MARVELD3: variants seen among roughly 807,000 people sequenced by gnomAD.
MARVELD3 encodes MARVEL domain containing 3, also known as MARVEL domain-containing protein 3.
A neutral mutation model predicts 33.5 loss-of-function variants in MARVELD3; 28 were observed. The ratio of observed to expected loss-of-function variants is 0.84; its 90% CI spans 0.62 to 1.15. MARVELD3 has a LOEUF of 1.15. MARVELD3 is among the 50% of genes most tolerant of loss of function. The probability of loss-of-function intolerance (pLI) is 0.00; values close to 1 mark genes in which losing one functional copy is unlikely to be tolerated. For missense variants in MARVELD3, 582 were observed against 547.6 expected (o/e 1.06, Z -0.63); for synonymous variants, 241 against 230.4 (o/e 1.05, Z -0.42).
chr16:71,635,286 G>A lies in MARVELD3; in HGVS notation c.*483G>A, dbSNP rs1015693687. On this transcript the variant is annotated 3_prime_UTR_variant, in exon 3 of 3. Transcript: ENST00000268485. ...GGAGATTGCAGTGAGCCGAGATCCC[G>A]CCACTGCACTCCAGCCCAGGTGACA... 6.8e-5 allele frequency: 65 copies of A among 955,376 alleles called. No individual in the cohort carries two copies. The highest frequency in any genetic ancestry group is 5.4e-4 in the Middle Eastern group (1 of 1,856). The allele number at this position is 955,376 out of a possible 1,614,324, so 59.2% of individuals were successfully genotyped here.
intron 2 of MARVELD3, among the ~76,000 whole-genome samples, chr16:71,632,597 T>A (rs913734983): frequency 2.0e-5 from 3 of 151,700 alleles, no homozygotes; most frequent in South Asian, 2.1e-4. Flanking sequence ...TCTTTTTTTT[T>A]TTATTTTTTA....
rs941257349 is a variant in MARVELD3, at chr16:71,634,574, A to G, written c.977A>G (p.His326Arg). 27 of 1,613,936 alleles carry G rather than the reference A, an allele frequency of 1.7e-5. No individual in the cohort carries two copies. The highest frequency in any genetic ancestry group is 2.7e-5 in the African/African-American group (2 of 74,874). The change falls in exon 3 of 3, where the codon CAC becomes CGC. Residue 326 changes from histidine (H) to arginine (R), a missense_variant. Transcript: ENST00000268485. ...GYIPALYFYF[H>R]YLSAAYGSPV... ...ATCCCGGCCTTGTACTTCTACTTCC[A>G]CTACCTCTCTGCTGCCTATGGCTCT...
chr16:71,640,703 G>A (rs2044611806), downstream of MARVELD3: 2 of 1,614,124 alleles, frequency 1.2e-6, no homozygotes, highest in Admixed American at 1.7e-5. Context: ...TCCTCACGGA[G>A]GCCGCCTTCA....
downstream of MARVELD3, chr16:71,640,409 G>A (rs375705658): frequency 1.1e-5 from 17 of 1,614,164 alleles, no homozygotes; most frequent in East Asian, 1.6e-4. Context: ...AGATAGTGGA[G>A]GTGGTCTTGA....
chr16:71,634,608 TAA>T lies in MARVELD3; in HGVS notation c.1013_1014del (p.Lys338ArgfsTer51), dbSNP rs1427307697. On this transcript the variant is annotated frameshift_variant, in exon 3 of 3. Coordinates refer to ENST00000268485, the MANE Select transcript of MARVELD3 (RefSeq NM_052858.6). LOFTEE classifies it high-confidence loss of function. ...CTGCTGCCTATGGCTCTCCTGTGTG[TAA>T]AGAGAGGCAGGCGCTGTACCAAAGC... Reference protein sequence around the residue: ...LSAAYGSPVCKERQALYQSKG... With the variant: ...LSAAYGSPVCXERQALYQSKG... 3.1e-6 allele frequency: 5 copies of T among 1,614,042 alleles called. No homozygotes were observed. Among genetic ancestry groups the T allele is most frequent in the African/African-American group, 1.3e-5 (1 of 74,910 alleles).
intron 1 of MARVELD3, 194 bp from the exon 2 acceptor site, chr16:71,629,173 G>A: frequency 1.8e-6 from 1 of 555,804 alleles, no homozygotes; most frequent in Non-Finnish European, 2.9e-6. Flanking sequence ...CACGTGGTTA[G>A]TGGAGCTGGG....
At position 71,634,893 on chromosome 16, in the gene MARVELD3, T is replaced by G. The variant is rs1267249484; in HGVS notation, c.*90T>G. ...CCAAGAATCCCTTGTTGTGGAAGTT[T>G]CCAGTGCTGGAAAAGCAGCGAGCCA... On this transcript the variant is annotated 3_prime_UTR_variant, in exon 3 of 3. Coordinates refer to ENST00000268485, the MANE Select transcript of MARVELD3 (RefSeq NM_052858.6). The G allele has an allele frequency of 9.9e-6, 15 of 1,511,802 alleles. No individual in the cohort carries two copies. Among genetic ancestry groups the G allele is most frequent in the African/African-American group, 1.4e-5 (1 of 71,516 alleles). The allele number at this position is 1,511,802 out of a possible 1,614,324, so 93.6% of individuals were successfully genotyped here. A position where few individuals can be genotyped will look rare whatever the true frequency, so the allele number is the denominator to read the frequency against.
chr16:71,640,802 AAGAG>A, downstream of MARVELD3: 1 of 1,614,196 alleles, frequency 6.2e-7, no homozygotes, highest in East Asian at 2.2e-5. Context: ...CTTGCAAAAC[AAGAG>A]AGAGGCTCTA....
At position 71,635,388 on chromosome 16, in the gene MARVELD3, A is replaced by G; in HGVS notation, c.*585A>G. 1.0e-5 allele frequency: 10 copies of G among 985,348 alleles called. No homozygotes were observed. Among genetic ancestry groups the G allele is most frequent in the Non-Finnish European group, 1.2e-5 (10 of 830,134 alleles). 61.0% of individuals were successfully genotyped at this position (985,348 alleles called of 1,614,324 possible). A position where few individuals can be genotyped will look rare whatever the true frequency, so the allele number is the denominator to read the frequency against. On this transcript the variant is annotated 3_prime_UTR_variant, in exon 3 of 3. Transcript: ENST00000268485. ...GAGCCACAAGGAAAAAGCATGTACTACAACAGAGTGCACCTCTTCATTCAG... is the reference window on the plus strand; with the variant it reads ...GAGCCACAAGGAAAAAGCATGTACTGCAACAGAGTGCACCTCTTCATTCAG...
rs777892291 is a variant in MARVELD3, at chr16:71,634,647, C to T, written c.1050C>T (p.Ser350=). The part of the protein sequence containing the change: ...RQALYQSKGY[S]GFGCSFHGAD... The stretch of plus-strand genomic sequence containing the variant: ...CGCTGTACCAAAGCAAAGGCTACAG[C>T]GGTTTCGGCTGCAGTTTCCACGGAG... The change falls in exon 3 of 3, where the codon AGC becomes AGT. Residue 350 remains serine, a synonymous_variant. Coordinates refer to ENST00000268485, the MANE Select transcript of MARVELD3 (RefSeq NM_052858.6). The T allele has an allele frequency of 5.0e-6, 8 of 1,614,068 alleles. No individual in the cohort carries two copies. Among genetic ancestry groups the T allele is most frequent in the East Asian group, 2.2e-5 (1 of 44,894 alleles).
In MARVELD3 at chr16:71,626,294, G is replaced by A. The variant is rs553406133; in HGVS notation, c.65G>A (p.Arg22His). Residue 22 changes from arginine to histidine, a missense_variant, in exon 1 of 3, where the codon CGC (arginine) becomes CAC (histidine). Transcript: ENST00000268485. The surrounding 1 kb of genome is among the most constrained non-coding windows in gnomAD (Gnocchi z 5.3). ...CCGAGAGAGCGGGACCCGGGACGGC[G>A]CCCCCACCCAGACCAAGGCCGCACC... The part of the protein sequence containing the change: ...ARPRERDPGR[R>H]PHPDQGRTHD... The A allele has an allele frequency of 2.8e-5, 43 of 1,543,248 alleles. No homozygotes were observed. The highest frequency in any genetic ancestry group is 1.2e-4 in the African/African-American group (9 of 72,744).
Position 71,634,769 on chromosome 16 carries a change from TA to T in MARVELD3, c.1176del (p.Glu393ArgfsTer13). 6.2e-7 allele frequency: 1 copy of T among 1,606,000 alleles called. No homozygotes were observed. Among genetic ancestry groups the T allele is most frequent in the Non-Finnish European group, 8.5e-7 (1 of 1,177,262 alleles). On this transcript the variant is annotated frameshift_variant, in exon 3 of 3. Transcript: ENST00000268485. LOFTEE classifies it high-confidence loss of function. ...AIKGYRKVRKLKEKPAEMFEF is the reference protein window; with the variant it reads ...AIKGYRKVRKXKEKPAEMFEF The stretch of plus-strand genomic sequence containing the variant: ...AAGGGCTACCGAAAAGTTAGGAAGC[TA>T]AAAGAGAAGCCAGCAGAAATGTTTG...
Position 71,626,817 on chromosome 16 carries a change from G to A in MARVELD3, c.467+121G>A, listed in dbSNP as rs1477104076. The A allele has an allele frequency of 5.8e-6, 5 of 859,474 alleles. No homozygotes were observed. Among genetic ancestry groups the A allele is most frequent in the Admixed American group, 4.0e-5 (1 of 25,146 alleles). The allele number at this position is 859,474 out of a possible 1,614,324, so 53.2% of individuals were successfully genotyped here. A position where few individuals can be genotyped will look rare whatever the true frequency, so the allele number is the denominator to read the frequency against. ...GAGCCCGTTTAAATGAACAAATGCC[G>A]TTTCTCCCTTCTGCGCTCTCAGAGG... On this transcript the variant is annotated intron_variant, in intron 1 of 2. Transcript: ENST00000268485. The surrounding 1 kb of genome is among the most constrained non-coding windows in gnomAD (Gnocchi z 5.3).
intron 1 of MARVELD3, among the ~76,000 whole-genome samples, chr16:71,627,395 T>C (rs2044484705): frequency 6.6e-6 from 1 of 151,988 alleles, no homozygotes; most frequent in Non-Finnish European, 1.5e-5. Context: ...TCCCAGCTAC[T>C]TGGGAGGCTG....
At position 71,626,515 on chromosome 16, in the gene MARVELD3, G is replaced by A; in HGVS notation, c.286G>A (p.Asp96Asn). ...AGGCCCCCGCCGGGACACACACAGG[G>A]ACGCGGGCCCTCGCGCAGGTGAACA... Reference protein sequence around the residue: ...DRGPRRDTHRDAGPRAGEHGV... With the variant: ...DRGPRRDTHRNAGPRAGEHGV... The change falls in exon 1 of 3, where the codon GAC becomes AAC. Residue 96 changes from aspartate (D) to asparagine (N), a missense_variant. Asp to Asn is a conservative substitution (Grantham distance 23). Transcript: ENST00000268485. This position sits in a 1 kb window ranked among gnomAD's most constrained non-coding sequence, Gnocchi z 5.3. 1 of 1,549,750 alleles carries A rather than the reference G, an allele frequency of 6.5e-7. No individual in the cohort carries two copies. Among genetic ancestry groups the A allele is most frequent in the Non-Finnish European group, 8.7e-7 (1 of 1,146,774 alleles).
Position 71,629,392 on chromosome 16 carries a change from C to T in MARVELD3, c.493C>T (p.Pro165Ser), listed in dbSNP as rs1420041954. The change falls in exon 2 of 3, where the codon CCC becomes TCC. Residue 165 changes from proline to serine, a missense_variant. Physicochemically the swap from Pro to Ser is moderately conservative, Grantham distance 74. Coordinates refer to ENST00000268485, the MANE Select transcript of MARVELD3 (RefSeq NM_052858.6). ...TGAACCCCCTTCGGAGAGATATCTGCCCTCGACCCCCAGGCCTGGACGAGA... is the reference window on the plus strand; with the variant it reads ...TGAACCCCCTTCGGAGAGATATCTGTCCTCGACCCCCAGGCCTGGACGAGA... The part of the protein sequence containing the change: ...ESEPPSERYL[P>S]STPRPGREEV... The T allele has an allele frequency of 2.5e-6, 4 of 1,569,552 alleles. No individual in the cohort carries two copies. The highest frequency in any genetic ancestry group is 1.4e-5 in the African/African-American group (1 of 71,972).
Position 71,634,755 on chromosome 16 carries a change from A to G in MARVELD3, c.1158A>G (p.Arg386=), listed in dbSNP as rs1324672322. Residue 386 remains arginine, a synonymous_variant, in exon 3 of 3, where the codon CGA becomes CGG. Transcript: ENST00000268485. ...CTGTCCTGGCCATAAAGGGCTACCG[A>G]AAAGTTAGGAAGCTAAAAGAGAAGC... ...LGAVLAIKGY[R]KVRKLKEKPA... 1 of 1,610,084 alleles carries G rather than the reference A, an allele frequency of 6.2e-7. No homozygotes were observed. Among genetic ancestry groups the G allele is most frequent in the East Asian group, 2.2e-5 (1 of 44,860 alleles).
At position 71,626,363 on chromosome 16, in the gene MARVELD3, G is replaced by T. The variant is rs1318173736; in HGVS notation, c.134G>T (p.Arg45Leu). 6.5e-7 allele frequency: 1 copy of T among 1,548,132 alleles called. No homozygotes were observed. Among genetic ancestry groups the T allele is most frequent in the African/African-American group, 1.4e-5 (1 of 72,934 alleles). ...RDRPGDPRRKRSSDGNRRRDG... is the reference protein window; with the variant it reads ...RDRPGDPRRKLSSDGNRRRDG... ...CGACCCGGGGACCCGCGCAGGAAGC[G>T]AAGCAGCGACGGGAACCGGCGAAGG... Residue 45 changes from arginine (R) to leucine (L), a missense_variant, in exon 1 of 3, where the codon CGA becomes CTA. Physicochemically the swap from Arg to Leu is moderately radical, Grantham distance 102 (BLOSUM62 -2). Transcript: ENST00000268485. The surrounding 1 kb of genome is among the most constrained non-coding windows in gnomAD (Gnocchi z 5.3).
At chr16:71,629,620 A>G in intron 2 of MARVELD3, 126 bp downstream of exon 2, 1 of 602,594 alleles carries the variant, frequency 1.7e-6, no homozygotes, top group Non-Finnish European at 2.5e-6. Context: ...TCATTTCTGT[A>G]CTTGTGAGGT....
Sources: allele counts gnomAD v4.1 joint callset (sites outside exome capture counted in the v4.1 genomes callset), GRCh38; gene constraint gnomAD v4.1.1; non-coding constraint Gnocchi (gnomAD v3.1); transcripts MANE v1.5; gene names NCBI Gene and HGNC (gene_info 2026-07-23, HGNC 2026-07-21).